Variants in LRRTM4 observed in about 807,000 individuals in gnomAD.
The protein encoded by LRRTM4 is leucine-rich repeat transmembrane neuronal protein 4.
LRRTM4 carries 25 observed loss-of-function variants against 47.6 expected under a neutral mutation model. The ratio of observed to expected loss-of-function variants is 0.53; its 90% CI spans 0.38 to 0.73. LRRTM4 has a LOEUF of 0.73. Ranked by LOEUF, LRRTM4 falls within the 30% of genes least tolerant of loss-of-function variation. LRRTM4 has a pLI of 0.00. For synonymous variants in LRRTM4, 311 were observed against 269.5 expected (o/e 1.15, Z -1.51); for missense variants, 638 against 713.4 (o/e 0.89, Z 1.20).
chr2:77,283,579 C>T (rs368758497), intron 3 of LRRTM4, among the ~76,000 whole-genome samples: 2 of 151,892 alleles, frequency 1.3e-5, no homozygotes, highest in Non-Finnish European at 2.9e-5. Context: ...CTAGGTGACA[C>T]GCAATGGTGG....
chr2:77,441,574 G>A (rs1261187114), intron 3 of LRRTM4, among the ~76,000 whole-genome samples: 1 of 152,110 alleles, frequency 6.6e-6, no homozygotes, highest in Non-Finnish European at 1.5e-5. Flanking sequence ...TCACCTGTAA[G>A]ATGGAGATAA....
intron 3 of LRRTM4, among the ~76,000 whole-genome samples, chr2:77,044,820 A>AAT (rs1020617257): frequency 1.3e-5 from 2 of 151,734 alleles, no homozygotes; most frequent in African/African-American, 4.8e-5. Flanking sequence ...TGTGTGTGTG[A>AAT]ATATATATGC....
intron 3 of LRRTM4, among the ~76,000 whole-genome samples, chr2:77,154,010 T>C (rs941288490): frequency 3.9e-5 from 6 of 152,214 alleles, no homozygotes; most frequent in Non-Finnish European, 8.8e-5. Flanking sequence ...TGAGTACTGC[T>C]CTTAGTATTT....
chr2:77,408,506 T>C (rs1052018564), intron 3 of LRRTM4, among the ~76,000 whole-genome samples: 10 of 152,214 alleles, frequency 6.6e-5, no homozygotes, highest in South Asian at 2.1e-4. Flanking sequence ...CCTTAAGAAA[T>C]ATAAAATCAG....
chr2:77,049,514 T>G (rs981902423), intron 3 of LRRTM4, among the ~76,000 whole-genome samples: 2 of 151,990 alleles, frequency 1.3e-5, no homozygotes, highest in East Asian at 3.9e-4. Flanking sequence ...TATCTCATTC[T>G]GATTTTGATT....
intron 3 of LRRTM4, among the ~76,000 whole-genome samples, chr2:77,251,630 T>C (rs1222482936): frequency 3.3e-5 from 5 of 152,134 alleles, no homozygotes; most frequent in African/African-American, 1.2e-4. Context: ...ATAATTTAAA[T>C]TTTACAAATG....
intron 3 of LRRTM4, among the ~76,000 whole-genome samples, chr2:77,077,742 T>C (rs2103846452): frequency 6.6e-6 from 1 of 152,152 alleles, no homozygotes; most frequent in Non-Finnish European, 1.5e-5. Flanking sequence ...GGGAAATAAA[T>C]CCCCAAAAAT....
chr2:76,813,241 A>G (rs1448594383), intron 3 of LRRTM4, among the ~76,000 whole-genome samples: 5 of 152,162 alleles, frequency 3.3e-5, no homozygotes, highest in Non-Finnish European at 7.4e-5. Flanking sequence ...GGAAAGGTAT[A>G]CCCAGGAAAT....
chr2:77,294,116 G>A (rs963932693), intron 3 of LRRTM4, among the ~76,000 whole-genome samples: 4 of 152,026 alleles, frequency 2.6e-5, no homozygotes, highest in Non-Finnish European at 5.9e-5. Context: ...TCTCTGGATT[G>A]TAGACCCTTA....
chr2:76,748,424 G>T lies in LRRTM4; in HGVS notation c.*271C>A. On this transcript the variant is annotated 3_prime_UTR_variant, in exon 4 of 4. Coordinates refer to ENST00000409884, the MANE Select transcript of LRRTM4 (RefSeq NM_001134745.3). ...GTGAAATCTATTTTTATAAGAACTT[G>T]ACACTCTTACTATTTACATCCGGGA... The T allele has an allele frequency of 2.2e-6, 1 of 449,612 alleles. No individual in the cohort carries two copies. 27.9% of individuals were successfully genotyped at this position (449,612 alleles called of 1,614,324 possible). A position where few individuals can be genotyped will look rare whatever the true frequency, so the allele number is the denominator to read the frequency against.
intron 3 of LRRTM4, among the ~76,000 whole-genome samples, chr2:76,752,243 T>G (rs1236277621): frequency 1.3e-5 from 2 of 152,162 alleles, no homozygotes; most frequent in Non-Finnish European, 2.9e-5. Context: ...ATTGTTGAAT[T>G]TGCAATGTTT....
Position 76,925,617 on chromosome 2 carries a change from G to A in LRRTM4, c.1552-176701C>T, listed in dbSNP as rs1674565614. 1.3e-5 allele frequency among the ~76,000 whole-genome samples: 2 copies of A among 152,114 alleles called. 1 individual carries two copies. The highest frequency in any genetic ancestry group is 4.2e-4 in the South Asian group (2 of 4,816). ...TTTTCAAGGTAAATTTCCATTTTTG[G>A]TCATATTCATGCATTTCTTAACCAT... On this transcript the variant is annotated intron_variant, in intron 3 of 3. Coordinates refer to ENST00000409884, the MANE Select transcript of LRRTM4 (RefSeq NM_001134745.3).
rs147748185 is a variant in LRRTM4, at chr2:77,453,020, TG to T, written c.1551+65297del. 9.2e-3 allele frequency among the ~76,000 whole-genome samples: 1,398 copies of T among 152,134 alleles called. 15 individuals are homozygous for T. Among genetic ancestry groups the T allele is most frequent in the African/African-American group, 0.032 (1,340 of 41,514 alleles). Reference sequence around the variant, plus strand: ...CCATGCATACTTGAAATTAATTTTTTGATAAAGGGTAGAAAGTTTAACATAT... The same window carrying T: ...CCATGCATACTTGAAATTAATTTTTTATAAAGGGTAGAAAGTTTAACATAT... On this transcript the variant is annotated intron_variant, in intron 3 of 3. Coordinates refer to ENST00000409884, the MANE Select transcript of LRRTM4 (RefSeq NM_001134745.3).
chr2:77,397,372 T>C (rs1673744914), intron 3 of LRRTM4, among the ~76,000 whole-genome samples: 1 of 151,878 alleles, frequency 6.6e-6, no homozygotes, highest in Non-Finnish European at 1.5e-5. Flanking sequence ...GGACATTGTC[T>C]AAGACTAATT....
intron 3 of LRRTM4, among the ~76,000 whole-genome samples, chr2:77,392,918 T>G (rs995124085): frequency 6.6e-6 from 1 of 152,024 alleles, no homozygotes. Context: ...TATCATATGT[T>G]AAATAGTTAG....
At chr2:76,817,856 A>G (rs1670945372) in intron 3 of LRRTM4, among the ~76,000 whole-genome samples, 1 of 152,114 alleles carries the variant, frequency 6.6e-6, no homozygotes, top group South Asian at 2.1e-4. Context: ...ATGCCATGTT[A>G]GTACCTTTCC....
intron 3 of LRRTM4, among the ~76,000 whole-genome samples, chr2:77,161,362 G>A (rs946490264): frequency 6.6e-6 from 1 of 152,116 alleles, no homozygotes; most frequent in African/African-American, 2.4e-5. Context: ...CATTCCCTAT[G>A]CCTCTGCCAG....
chr2:77,421,088 C>A (rs76347527), intron 3 of LRRTM4, among the ~76,000 whole-genome samples: 2 of 151,310 alleles, frequency 1.3e-5, no homozygotes, highest in Non-Finnish European at 2.9e-5. Context: ...ATTTAGAAAC[C>A]AACTAGAAAA....
chr2:76,944,095 C>T (rs1675245572), intron 3 of LRRTM4, among the ~76,000 whole-genome samples: 1 of 152,140 alleles, frequency 6.6e-6, no homozygotes, highest in African/African-American at 2.4e-5. Context: ...CTGTGATGTC[C>T]TTCATAATTG....
Sources: gnomAD v4.1 joint callset for allele counts (sites outside exome capture counted in the v4.1 genomes callset) on GRCh38, gnomAD v4.1.1 for gene constraint, MANE v1.5 for transcripts, NCBI Gene and HGNC (gene_info 2026-07-23, HGNC 2026-07-21) for gene names.